The following HIVEP3 variants were observed in gnomAD, a reference collection of about 807,000 sequenced individuals.
HIVEP3 encodes transcription factor HIVEP3.
A neutral mutation model predicts 152.8 loss-of-function variants in HIVEP3; 49 were observed. The observed-to-expected ratio is 0.32, with a 90% CI of 0.26 to 0.41. The LOEUF is 0.41. Ranked by LOEUF, HIVEP3 falls within the 10% of genes least tolerant of loss-of-function variation. The pLI is 1.00. For synonymous variants in HIVEP3, 1,269 were observed against 1,289.0 expected (o/e 0.98, Z 0.33); for missense variants, 2,790 against 3,103.3 (o/e 0.90, Z 2.40).
intron 1 of HIVEP3, among the ~76,000 whole-genome samples, chr1:41,861,698 G>A (rs2124399503): frequency 6.6e-6 from 1 of 152,330 alleles, no homozygotes; most frequent in African/African-American, 2.4e-5. Flanking sequence ...TGATAGGAAG[G>A]AAGGAGGCCA....
intron 1 of HIVEP3, among the ~76,000 whole-genome samples, chr1:41,727,987 A>G (rs1487744105): frequency 6.6e-6 from 1 of 152,182 alleles, no homozygotes; most frequent in African/African-American, 2.4e-5. Flanking sequence ...GGCAGGGTGC[A>G]CCTTCAGGAT....
chr1:41,568,083 G>A (rs753463337), intron 5 of HIVEP3, among the ~76,000 whole-genome samples: 83 of 152,194 alleles, frequency 5.5e-4, no homozygotes, highest in Non-Finnish European at 1.1e-3. Context: ...TATGTGCCAG[G>A]CACTATTCTC....
intron 1 of HIVEP3, among the ~76,000 whole-genome samples, chr1:41,803,926 C>T (rs1254446345): frequency 1.3e-5 from 2 of 152,288 alleles, no homozygotes; most frequent in East Asian, 3.9e-4. Context: ...ATTATGTTCC[C>T]TTTTTGTCTT....
chr1:41,636,706 C>T (rs184894884), intron 2 of HIVEP3, among the ~76,000 whole-genome samples: 238 of 152,208 alleles, frequency 1.6e-3, no homozygotes, highest in African/African-American at 4.8e-4. Context: ...ATGCTGGCCT[C>T]GTTAATAAAG....
At chr1:41,791,416 C>G (rs1477525992) in intron 1 of HIVEP3, among the ~76,000 whole-genome samples, 1 of 152,228 alleles carries the variant, frequency 6.6e-6, no homozygotes, top group Non-Finnish European at 1.5e-5. Context: ...AAGTGAAAAT[C>G]ACTGGGTGGA....
intron 2 of HIVEP3, among the ~76,000 whole-genome samples, chr1:41,657,762 A>G (rs1645651226): frequency 6.6e-6 from 1 of 152,256 alleles, no homozygotes; most frequent in Non-Finnish European, 1.5e-5. Context: ...AGGGCTAGAA[A>G]GCAGGAGATA....
intron 5 of HIVEP3, among the ~76,000 whole-genome samples, chr1:41,545,036 CA>C (rs1643700434): frequency 1.3e-5 from 1 of 75,052 alleles, no homozygotes; most frequent in Non-Finnish European, 3.2e-5. Context: ...CCACCACCAC[CA>C]ATACCACTAC....
At chr1:41,811,691 G>C (rs1650969564) in intron 1 of HIVEP3, among the ~76,000 whole-genome samples, 1 of 151,880 alleles carries the variant, frequency 6.6e-6, no homozygotes, top group African/African-American at 2.4e-5. Flanking sequence ...GAGCACCACG[G>C]GGAGGGGGTG....
chr1:41,526,481 C>T (rs1191003311), intron 5 of HIVEP3, among the ~76,000 whole-genome samples: 1 of 136,584 alleles, frequency 7.3e-6, no homozygotes, highest in Non-Finnish European at 1.6e-5. Context: ...CTCACCTTCA[C>T]ACTCACCTTC....
At chr1:41,782,456 G>A (rs1026642517) in intron 1 of HIVEP3, among the ~76,000 whole-genome samples, 3 of 152,164 alleles carry the variant, frequency 2.0e-5, no homozygotes, top group Admixed American at 6.5e-5. Context: ...AAATGGGGCC[G>A]GGCATGGTGG....
chr1:41,601,104 T>C (rs1644742325), intron 3 of HIVEP3, among the ~76,000 whole-genome samples: 1 of 152,212 alleles, frequency 6.6e-6, no homozygotes, highest in South Asian at 2.1e-4. Context: ...TTCTGTTTCA[T>C]TGGTCTACAT....
chr1:41,674,198 A>G (rs1392980500), intron 2 of HIVEP3, among the ~76,000 whole-genome samples: 1 of 152,184 alleles, frequency 6.6e-6, no homozygotes, highest in African/African-American at 2.4e-5. Context: ...CCAGGTCTCC[A>G]ATGCCCAGTC....
intron 1 of HIVEP3, chr1:41,847,714 C>T (rs995294088): frequency 6.6e-6 from 1 of 152,320 alleles, no homozygotes; most frequent in Admixed American, 6.5e-5. Flanking sequence ...TGGCCTCCTT[C>T]ACGGCCACCT....
At chr1:41,717,463 TA>T (rs1033694254) in intron 1 of HIVEP3, among the ~76,000 whole-genome samples, 1 of 152,172 alleles carries the variant, frequency 6.6e-6, no homozygotes, top group Non-Finnish European at 1.5e-5. Context: ...AGAAAGTGAC[TA>T]GAGAAGGTGC....
At chr1:41,799,429 G>C (rs1650172012) in intron 1 of HIVEP3, among the ~76,000 whole-genome samples, 2 of 152,146 alleles carry the variant, frequency 1.3e-5, no homozygotes, top group South Asian at 4.1e-4. Flanking sequence ...GTTCCCTGCT[G>C]TCCTCTGAGT....
chr1:42,024,647 G>A (rs1645572204), intron 1 of HIVEP3, among the ~76,000 whole-genome samples: 1 of 151,888 alleles, frequency 6.6e-6, no homozygotes, highest in Admixed American at 6.6e-5. Context: ...ATGCTTCATT[G>A]TTCATCTATA....
intron 3 of HIVEP3, among the ~76,000 whole-genome samples, chr1:41,627,786 C>T (rs1242761399): frequency 6.6e-6 from 1 of 152,202 alleles, no homozygotes; most frequent in Non-Finnish European, 1.5e-5. Context: ...CAAGCCTTGG[C>T]TGCATCAGAA....
chr1:41,512,922 C>G lies in HIVEP3; in HGVS notation c.6299G>C (p.Gly2100Ala), dbSNP rs1161873786. The G allele has an allele frequency of 1.3e-6, 2 of 1,594,114 alleles. No homozygotes were observed. The highest frequency in any genetic ancestry group is 2.3e-5 in the East Asian group (1 of 43,566). ...ALAGPGSPSA[G>A]EHGPGLGLDP... ...CAGCCCCAAGCCTGGGCCATGCTCCCCCGCTGAGGGGCTGCCCGGCCCAGC... is the reference window on the plus strand; with the variant it reads ...CAGCCCCAAGCCTGGGCCATGCTCCGCCGCTGAGGGGCTGCCCGGCCCAGC... The change falls in exon 8 of 9, where the codon GGG becomes GCG. Residue 2100 changes from glycine (G) to alanine (A), a missense_variant. Around this residue, in one of 9 missense-constraint regions of HIVEP3, gnomAD observed 816 missense variants for 806.5 expected, o/e 1.01. Coordinates refer to ENST00000372583, the MANE Select transcript of HIVEP3 (RefSeq NM_024503.5).
At chr1:41,585,346 A>AT in intron 3 of HIVEP3, 28 bp from the exon 4 acceptor site, 1 of 399,000 alleles carries the variant, frequency 2.5e-6, no homozygotes. Context: ...ACACACACAG[A>AT]AATACACACA....
Sources: allele counts gnomAD v4.1 joint callset (sites outside exome capture counted in the v4.1 genomes callset), GRCh38; gene constraint gnomAD v4.1.1; regional missense constraint gnomAD v4.1.1; transcripts MANE v1.5; gene names NCBI Gene and HGNC (gene_info 2026-07-23, HGNC 2026-07-21).